FRMD4B: variants seen among roughly 807,000 people sequenced by gnomAD.
FRMD4B encodes the protein FERM domain containing 4B.
FRMD4B carries 74 observed loss-of-function variants against 141.5 expected under a neutral mutation model. That is an observed-to-expected ratio of 0.52 (90% CI 0.43 to 0.63). The LOEUF (loss-of-function observed/expected upper bound fraction) is 0.63. FRMD4B is among the 30% of genes least tolerant of loss of function. FRMD4B has a pLI of 0.00. For missense variants in FRMD4B, 1,366 were observed against 1,253.4 expected (o/e 1.09, Z -1.36); for synonymous variants, 506 against 467.9 (o/e 1.08, Z -1.05).
At chr3:69,542,269 T>G (rs1701199375) in exon 1 of FRMD4B, 1 of 152,098 alleles carries the variant, frequency 6.6e-6, no homozygotes, top group East Asian at 2.0e-4. Context: ...TTGTCTCGGC[T>G]GCGCACCGCG....
chr3:69,291,802 G>T (rs921520314), intron 4 of FRMD4B, among the ~76,000 whole-genome samples: 1 of 151,606 alleles, frequency 6.6e-6, no homozygotes, highest in South Asian at 2.1e-4. Context: ...TTTTCCTTCC[G>T]TTTTGTTTGT....
chr3:69,191,662 G>C (rs2107635805), intron 17 of FRMD4B, among the ~76,000 whole-genome samples: 1 of 152,276 alleles, frequency 6.6e-6, no homozygotes, highest in East Asian at 1.9e-4. Context: ...ACACACAGTG[G>C]AGCTTGAAGG....
chr3:69,408,920 C>G (rs1367332530), intron 2 of FRMD4B, among the ~76,000 whole-genome samples: 3 of 152,146 alleles, frequency 2.0e-5, no homozygotes, highest in Non-Finnish European at 4.4e-5. Context: ...TTCTATCAAC[C>G]TGGGGTAAAA....
chr3:69,202,378 T>C lies in FRMD4B; in HGVS notation c.877-3604A>G, dbSNP rs559807189. On this transcript the variant is annotated intron_variant, in intron 11 of 22. Coordinates refer to ENST00000398540, the MANE Select transcript of FRMD4B (RefSeq NM_015123.3). Reference sequence around the variant, plus strand: ...TGACATATATGTGTGTGTGTGTATATATAAAATATATGCATGTGTATGTAC... The same window carrying C: ...TGACATATATGTGTGTGTGTGTATACATAAAATATATGCATGTGTATGTAC... Among the ~76,000 whole-genome samples, 10 of 151,874 alleles carry C rather than the reference T, an allele frequency of 6.6e-5. No individual in the cohort carries two copies. In the South Asian group the frequency reaches 8.3e-4, roughly 13 times the overall value.
intron 1 of FRMD4B, among the ~76,000 whole-genome samples, chr3:69,534,058 C>T (rs1701044664): frequency 6.6e-6 from 1 of 152,216 alleles, no homozygotes; most frequent in Non-Finnish European, 1.5e-5. Context: ...GAAATGCAGT[C>T]TCAGGCCCCG....
Position 69,498,712 on chromosome 3 carries a change from T to C in FRMD4B, c.-129+43494A>G, listed in dbSNP as rs572401490. ...TAAATAAACACTTAGCAGACACTTA[T>C]TAGTATCTCTTATAGAGGAGAAAAC... On this transcript the variant is annotated intron_variant, in intron 1 of 5. Coordinates refer to the FRMD4B transcript ENST00000459638. Among the ~76,000 whole-genome samples, 17 of 152,338 alleles carry C rather than the reference T, an allele frequency of 1.1e-4. No individual in the cohort carries two copies. The East Asian group carries it at 3.3e-3, about 29-fold the overall frequency.
At chr3:69,321,164 G>A (rs1325700396) in intron 1 of FRMD4B, among the ~76,000 whole-genome samples, 2 of 152,100 alleles carry the variant, frequency 1.3e-5, no homozygotes, top group Admixed American at 1.3e-4. Context: ...AGAGGAGAGT[G>A]GGTTGGTAAG....
intron 1 of FRMD4B, among the ~76,000 whole-genome samples, chr3:69,350,413 TG>T (rs1703100355): frequency 1.3e-5 from 2 of 152,294 alleles, no homozygotes; most frequent in South Asian, 4.1e-4. Context: ...GAAGACAGTG[TG>T]GCGATTCCTC....
At chr3:69,413,560 A>G (rs1313080683) in intron 2 of FRMD4B, among the ~76,000 whole-genome samples, 2 of 152,242 alleles carry the variant, frequency 1.3e-5, no homozygotes. Context: ...AAATCACAGT[A>G]ACCCCATTTC....
rs927416488 is a variant in FRMD4B, at chr3:69,415,159, C to T, written c.-1+17475G>A. Among the ~76,000 whole-genome samples, 50 of 152,076 alleles carry T rather than the reference C, an allele frequency of 3.3e-4. 1 individual carries two copies. Among genetic ancestry groups the T allele is most frequent in the Non-Finnish European group, 7.4e-5 (5 of 67,998 alleles). ...GATTACAGGCATGAGCGACTGTGCC[C>T]GGCCAGCTTACAAACTTTTTAAGGC... On this transcript the variant is annotated intron_variant, in intron 2 of 5. Coordinates refer to the FRMD4B transcript ENST00000459638.
At chr3:69,189,779 A>G in intron 18 of FRMD4B, 117 bp downstream of exon 18, 2 of 665,294 alleles carry the variant, frequency 3.0e-6, no homozygotes, top group Non-Finnish European at 5.3e-6. Context: ...AATGTAAGTT[A>G]GTTTATTCTA....
Position 69,187,154 on chromosome 3 carries a change from T to C in FRMD4B, c.1919+616A>G, listed in dbSNP as rs116062999. ...ATAAAACTGAACTGTGGACACTATG[T>C]CTAAATCCAGATGATAATTAATGTC... On this transcript the variant is annotated intron_variant, in intron 19 of 22. Coordinates refer to ENST00000398540, the MANE Select transcript of FRMD4B (RefSeq NM_015123.3). 8.1e-3 allele frequency among the ~76,000 whole-genome samples: 1,239 copies of C among 152,264 alleles called. 17 individuals carry two copies. The highest frequency in any genetic ancestry group is 0.028 in the African/African-American group (1,181 of 41,550).
At chr3:69,268,965 G>T (rs1225156295) in intron 5 of FRMD4B, among the ~76,000 whole-genome samples, 9 of 136,858 alleles carry the variant, frequency 6.6e-5, no homozygotes, top group African/African-American at 2.2e-4. Context: ...TTTCGCTCTT[G>T]TTGCCCAGGA....
chr3:69,299,795 T>C (rs981963559), intron 4 of FRMD4B, among the ~76,000 whole-genome samples: 1 of 152,174 alleles, frequency 6.6e-6, no homozygotes, highest in Non-Finnish European at 1.5e-5. Flanking sequence ...TTCTTTTTCA[T>C]TGTGCATTAA....
chr3:69,389,089 A>C (rs1704329276), upstream of FRMD4B, among the ~76,000 whole-genome samples: 1 of 140,608 alleles, frequency 7.1e-6, no homozygotes, highest in Non-Finnish European at 1.5e-5. Flanking sequence ...GCTGGAGTGC[A>C]GTGGCACCAT....
At chr3:69,309,607 A>ATTTTTTTTTT (rs34067186) in intron 3 of FRMD4B, among the ~76,000 whole-genome samples, 2 of 109,084 alleles carry the variant, frequency 1.8e-5, no homozygotes, top group African/African-American at 3.6e-5. Flanking sequence ...TACCTGGCTG[A>ATTTTTTTTTT]TTTTTTTTTT....
At chr3:69,429,281 A>T (rs1705137915) in intron 2 of FRMD4B, among the ~76,000 whole-genome samples, 6 of 152,258 alleles carry the variant, frequency 3.9e-5, no homozygotes, top group Admixed American at 3.9e-4. Context: ...CCTAAAAGTT[A>T]TGTTACCTGG....
chr3:69,524,142 A>G (rs1700897799), intron 1 of FRMD4B, among the ~76,000 whole-genome samples: 1 of 152,230 alleles, frequency 6.6e-6, no homozygotes, highest in Non-Finnish European at 1.5e-5. Flanking sequence ...AAAGTTTCTA[A>G]TCCTGCCTGA....
chr3:69,319,421 C>G (rs1396732081), intron 1 of FRMD4B, among the ~76,000 whole-genome samples: 2 of 152,132 alleles, frequency 1.3e-5, no homozygotes, highest in Non-Finnish European at 2.9e-5. Context: ...TAAAAAAACA[C>G]ATTTTTAATG....
Sources: gnomAD v4.1 joint callset for allele counts (sites outside exome capture counted in the v4.1 genomes callset) on GRCh38, gnomAD v4.1.1 for gene constraint, MANE v1.5 for transcripts, NCBI Gene and HGNC (gene_info 2026-07-23, HGNC 2026-07-21) for gene names.